FAM111B: variants seen among roughly 807,000 people sequenced by gnomAD.
FAM111B encodes FAM111 trypsin like peptidase B.
Under a neutral mutation model 2.8 loss-of-function variants are expected in FAM111B, and 1 was observed. The ratio of observed to expected loss-of-function variants is 0.36; its 90% CI spans 0.13 to 1.70. FAM111B has a LOEUF of 1.70. FAM111B is among the 40% of genes most tolerant of loss of function. The pLI, the probability that FAM111B is intolerant of heterozygous loss-of-function variation, is 0.35. For missense variants in FAM111B, 882 were observed against 878.9 expected, an observed-to-expected ratio of 1.00 and a Z score of -0.04; for synonymous variants, 297 against 295.6, an observed-to-expected ratio of 1.00 and a Z score of -0.05.
intron 3 of FAM111B, among the ~76,000 whole-genome samples, chr11:59,111,465 G>A (rs1414907816): frequency 2.0e-5 from 3 of 152,054 alleles, no homozygotes; most frequent in Non-Finnish European, 4.4e-5. Context: ...TTGCTTAGGA[G>A]GAGTTATTCA....
At chr11:59,107,542 C>G (rs1336268821) in intron 1 of FAM111B, among the ~76,000 whole-genome samples, 1 of 152,124 alleles carries the variant, frequency 6.6e-6, no homozygotes, top group African/African-American at 2.4e-5. Flanking sequence ...CCTGGTGGGT[C>G]CTTTCCCTGC....
intron 3 of FAM111B, among the ~76,000 whole-genome samples, chr11:59,115,235 G>T (rs1020372934): frequency 6.6e-6 from 1 of 152,184 alleles, no homozygotes; most frequent in Admixed American, 6.5e-5. Flanking sequence ...AGAAGTAGGG[G>T]CCAGGGAAAG....
At position 59,124,804 on chromosome 11, in the gene FAM111B, G is replaced by A. The variant is rs770061233; in HGVS notation, c.707G>A (p.Gly236Asp). The change falls in exon 4 of 4, where the codon GGT becomes GAT. Residue 236 changes from glycine to aspartate, a missense_variant. Gly to Asp is a moderately conservative substitution (Grantham distance 94, BLOSUM62 -1). Coordinates refer to ENST00000343597, the MANE Select transcript of FAM111B (RefSeq NM_198947.4). ...CKDGRFRSDI[G>D]EFEWKLKEGH... is the part of the protein sequence containing the mutation. ...GATGGCCGTTTTCGGTCTGACATAG[G>A]TGAATTTGAATGGAAACTAAAGGAA... is the stretch of plus-strand genomic sequence containing the variant. The A allele has an allele frequency of 9.9e-6, 16 of 1,613,798 alleles. No homozygotes were observed. The South Asian group carries it at 1.4e-4, about 14-fold the overall frequency.
chr11:59,120,509 G>A (rs1367059311), intron 3 of FAM111B, among the ~76,000 whole-genome samples: 2 of 152,154 alleles, frequency 1.3e-5, no homozygotes, highest in Non-Finnish European at 2.9e-5. Context: ...TGACTGTTTG[G>A]CTTAAACAAC....
intron 3 of FAM111B, among the ~76,000 whole-genome samples, chr11:59,111,557 CAT>C (rs1859758913): frequency 6.6e-6 from 1 of 152,150 alleles, no homozygotes; most frequent in South Asian, 2.1e-4. Context: ...CCACTAATCA[CAT>C]GTGATTATGT....
chr11:59,126,080 G>A lies in FAM111B; in HGVS notation c.1983G>A (p.Leu661=). The A allele has an allele frequency of 1.2e-6, 2 of 1,613,730 alleles. No individual in the cohort carries two copies. The highest frequency in any genetic ancestry group is 1.7e-6 in the Non-Finnish European group (2 of 1,179,798). The change falls in exon 4 of 4, where the codon TTG becomes TTA. Residue 661 remains leucine (L), a synonymous_variant. Coordinates refer to ENST00000343597, the MANE Select transcript of FAM111B (RefSeq NM_198947.4). ...GSPVFNASGK[L]VALHTFGLFY... is the part of the protein sequence containing the mutation. ...CAGTGTTTAATGCATCTGGCAAATT[G>A]GTTGCTTTGCATACCTTTGGGCTTT...
rs116220574 is a variant in FAM111B, at chr11:59,112,695, T to C, written c.81+2989T>C. Among the ~76,000 whole-genome samples the C allele has an allele frequency of 4.4e-3, 675 of 152,352 alleles. 6 individuals carry two copies. Among genetic ancestry groups the C allele is most frequent in the African/African-American group, 0.016 (648 of 41,588 alleles). On this transcript the variant is annotated intron_variant, in intron 3 of 3. Transcript: ENST00000343597. ...AGTTTTTCTGATTTATTCATTCTCA[T>C]AGGTATGTAATGGCATCGTTTTGTG...
rs776683450 is a variant in FAM111B at position 59,124,620 on chromosome 11, C to T, written c.523C>T (p.Gln175Ter). ...CAAAGAAGATGGACACATATTACGC[C>T]AATGTGAAAATCCAAACATGGAATG... is the stretch of plus-strand genomic sequence containing the variant. ...SSKEDGHILR[Q>*]CENPNMECIL... is the part of the protein sequence containing the mutation. The change falls in exon 4 of 4, where the codon CAA becomes TAA. Residue 175 changes from glutamine to a stop codon, truncating the protein, a stop_gained. Coordinates refer to ENST00000343597, the MANE Select transcript of FAM111B (RefSeq NM_198947.4). LOFTEE classifies it low-confidence loss of function (END_TRUNC). 1 of 1,613,738 alleles carries T rather than the reference C, an allele frequency of 6.2e-7. No individual in the cohort carries two copies. Among genetic ancestry groups the T allele is most frequent in the Non-Finnish European group, 8.5e-7 (1 of 1,179,812 alleles).
intron 3 of FAM111B, among the ~76,000 whole-genome samples, chr11:59,123,048 T>C (rs1859948264): frequency 6.6e-6 from 1 of 152,234 alleles, no homozygotes; most frequent in African/African-American, 2.4e-5. Flanking sequence ...AGATTCTCAA[T>C]ATCTTGTATC....
At chr11:59,117,185 A>C (rs1356330000) in intron 3 of FAM111B, among the ~76,000 whole-genome samples, 1 of 152,196 alleles carries the variant, frequency 6.6e-6, no homozygotes. Context: ...CTATACCTTA[A>C]GCAGAAAACC....
rs186601522 is a variant in FAM111B at position 59,123,989 on chromosome 11, T to A, written c.82-190T>A. Among the ~76,000 whole-genome samples, 201 of 151,694 alleles carry A rather than the reference T, an allele frequency of 1.3e-3. 5 individuals are homozygous for A. In the East Asian group the frequency reaches 0.018, roughly 14 times the overall value. On this transcript the variant is annotated intron_variant, in intron 3 of 3. Coordinates refer to ENST00000343597, the MANE Select transcript of FAM111B (RefSeq NM_198947.4). Reference sequence around the variant, plus strand: ...AATCAAAGTATACAGAGAAAAAAAATTAAAAATTAAAATAAAGTGTAGAAT... The same window carrying A: ...AATCAAAGTATACAGAGAAAAAAAAATAAAAATTAAAATAAAGTGTAGAAT...
intron 3 of FAM111B, among the ~76,000 whole-genome samples, chr11:59,115,467 C>A (rs1034454125): frequency 3.9e-5 from 6 of 152,228 alleles, no homozygotes; most frequent in Non-Finnish European, 7.3e-5. Flanking sequence ...AGTTTTTAGT[C>A]TCCCATGCAA....
At chr11:59,117,232 A>G (rs1859852403) in intron 3 of FAM111B, among the ~76,000 whole-genome samples, 3 of 152,174 alleles carry the variant, frequency 2.0e-5, no homozygotes, top group Admixed American at 6.5e-5. Context: ...CAACCTTGGA[A>G]AGGAAGAGAC....
rs758006739 is a variant in FAM111B at position 59,124,472 on chromosome 11, T to C, written c.375T>C (p.Phe125=). ...DYFSERIKNQ[F]NKNIIVYEEK... is the part of the protein sequence containing the mutation. Reference sequence around the variant, plus strand: ...TCAGTGAAAGGATAAAGAATCAGTTTAATAAGAACATTATTGTTTATGAAG... The same window carrying C: ...TCAGTGAAAGGATAAAGAATCAGTTCAATAAGAACATTATTGTTTATGAAG... Residue 125 remains phenylalanine (F), a synonymous_variant, in exon 4 of 4, where the codon TTT becomes TTC. Transcript: ENST00000343597. 1 of 1,613,598 alleles carries C rather than the reference T, an allele frequency of 6.2e-7. No individual in the cohort carries two copies. The highest frequency in any genetic ancestry group is 8.5e-7 in the Non-Finnish European group (1 of 1,179,774).
chr11:59,107,819 C>T (rs892372965), intron 1 of FAM111B, among the ~76,000 whole-genome samples: 3 of 152,172 alleles, frequency 2.0e-5, no homozygotes, highest in African/African-American at 7.2e-5. Context: ...CTGCGTTTCT[C>T]CCCGAGGCAC....
intron 3 of FAM111B, among the ~76,000 whole-genome samples, chr11:59,120,357 C>T (rs143112997): frequency 9.6e-4 from 146 of 152,262 alleles, no homozygotes; most frequent in African/African-American, 3.3e-3. Context: ...CCCCACAATT[C>T]ATATGTTTAA....
In FAM111B at chr11:59,126,194, G is replaced by A. The variant is rs766836101; in HGVS notation, c.2097G>A (p.Glu699=). Residue 699 remains glutamate, a synonymous_variant, in exon 4 of 4, where the codon GAG becomes GAA. Transcript: ENST00000343597. ...TTTGTGATATTAAAAAGACAAATGAGAGCTTGTATAAATCATTAAATGATG... is the reference window on the plus strand; with the variant it reads ...TTTGTGATATTAAAAAGACAAATGAAAGCTTGTATAAATCATTAAATGATG... ...SILCDIKKTN[E]SLYKSLNDEK... 6 of 1,610,218 alleles carry A rather than the reference G, an allele frequency of 3.7e-6. No homozygotes were observed. Among genetic ancestry groups the A allele is most frequent in the South Asian group, 2.2e-5 (2 of 89,760 alleles).
In FAM111B at chr11:59,110,703, G is replaced by T. The variant is rs181329846; in HGVS notation, c.81+997G>T. On this transcript the variant is annotated intron_variant, in intron 3 of 3. Coordinates refer to ENST00000343597, the MANE Select transcript of FAM111B (RefSeq NM_198947.4). ...ATGCATTTTGTATGTCTAAAACTAA[G>T]TTATTTTTTAAAAAGAATGAATAAC... Among the ~76,000 whole-genome samples, 518 of 152,204 alleles carry T rather than the reference G, an allele frequency of 3.4e-3. 2 individuals carry two copies. The highest frequency in any genetic ancestry group is 0.01 in the Middle Eastern group (3 of 294).
chr11:59,125,061 G>A lies in FAM111B; in HGVS notation c.964G>A (p.Glu322Lys). Residue 322 changes from glutamate (E) to lysine (K), a missense_variant, in exon 4 of 4, where the codon GAG (glutamate) becomes AAG (lysine). Transcript: ENST00000343597. ...GETKDVEHSR[E>K]QILPPQDLSH... is the part of the protein sequence containing the mutation. Reference sequence around the variant, plus strand: ...GACCAAAGATGTAGAACACAGCAGAGAGCAAATTCTCCCACCTCAGGATCT... The same window carrying A: ...GACCAAAGATGTAGAACACAGCAGAAAGCAAATTCTCCCACCTCAGGATCT... 1.2e-6 allele frequency: 2 copies of A among 1,613,444 alleles called. No homozygotes were observed. Among genetic ancestry groups the A allele is most frequent in the Non-Finnish European group, 1.7e-6 (2 of 1,179,786 alleles).
Sources: allele counts gnomAD v4.1 joint callset (sites outside exome capture counted in the v4.1 genomes callset), GRCh38; gene constraint gnomAD v4.1.1; transcripts MANE v1.5; gene names NCBI Gene and HGNC (gene_info 2026-07-23, HGNC 2026-07-21).